The following MAGI1 variants were observed in gnomAD, a reference collection of about 807,000 sequenced individuals.
The protein encoded by MAGI1 is membrane-associated guanylate kinase, WW and PDZ domain-containing protein 1.
A neutral mutation model predicts 139.9 loss-of-function variants in MAGI1; 58 were observed. The ratio of observed to expected loss-of-function variants is 0.41; its 90% confidence interval spans 0.34 to 0.52. The LOEUF (loss-of-function observed/expected upper bound fraction) is 0.52, where lower values mean the gene tolerates loss of function less well. Among genes scored for constraint, MAGI1 ranks in the 20% least tolerant of loss-of-function variants. MAGI1 has a pLI of 0.12. For synonymous variants in MAGI1, 812 were observed against 737.9 expected (o/e 1.10, Z -1.63); for missense variants, 1,874 against 1,901.6 (o/e 0.99, Z 0.27).
At chr3:65,743,874 C>A (rs1194659579) in intron 1 of MAGI1, among the ~76,000 whole-genome samples, 1 of 151,570 alleles carries the variant, frequency 6.6e-6, no homozygotes, top group African/African-American at 2.4e-5. Flanking sequence ...AAAATAAAGT[C>A]TGGGGAAAAT....
intron 1 of MAGI1, among the ~76,000 whole-genome samples, chr3:65,708,612 A>C (rs1406373537): frequency 6.6e-6 from 1 of 152,160 alleles, no homozygotes; most frequent in Non-Finnish European, 1.5e-5. Flanking sequence ...GGAGGAAAGA[A>C]AAAAGGAAGG....
intron 5 of MAGI1, among the ~76,000 whole-genome samples, chr3:65,455,430 G>A (rs539052237): frequency 1.6e-4 from 25 of 152,234 alleles, no homozygotes; most frequent in Admixed American, 5.9e-4. Flanking sequence ...GTTATATAGC[G>A]CTGGGCGGGG....
At chr3:65,401,348 G>A (rs1428004950) in intron 13 of MAGI1, 91 bp downstream of exon 13, 2 of 1,471,134 alleles carry the variant, frequency 1.4e-6, no homozygotes, top group East Asian at 2.5e-5. Flanking sequence ...CACATTTAGT[G>A]AAGTGAAGCC....
chr3:65,776,063 G>C (rs1315675808), intron 1 of MAGI1, among the ~76,000 whole-genome samples: 1 of 151,902 alleles, frequency 6.6e-6, no homozygotes, highest in Non-Finnish European at 1.5e-5. Context: ...CCCAAATCTA[G>C]TCAAATAAAT....
chr3:65,866,238 GAGT>G (rs1397367203), intron 1 of MAGI1, among the ~76,000 whole-genome samples: 1 of 150,622 alleles, frequency 6.6e-6, no homozygotes, highest in African/African-American at 2.4e-5. Context: ...TTAACAGACA[GAGT>G]CTTGTTTTGT....
intron 1 of MAGI1, among the ~76,000 whole-genome samples, chr3:66,027,134 G>A (rs2068317004): frequency 6.6e-6 from 1 of 151,856 alleles, no homozygotes; most frequent in Non-Finnish European, 1.5e-5. Context: ...CAGGCGTGGT[G>A]GCGGGTGCCT....
intron 1 of MAGI1, among the ~76,000 whole-genome samples, chr3:65,834,440 A>G (rs2042693916): frequency 6.6e-6 from 1 of 152,224 alleles, no homozygotes; most frequent in African/African-American, 2.4e-5. Context: ...CTATGGTTGG[A>G]GAATATACTC....
At chr3:65,955,733 TCTGG>T (rs1344096476) in intron 1 of MAGI1, among the ~76,000 whole-genome samples, 2 of 152,198 alleles carry the variant, frequency 1.3e-5, no homozygotes, top group Non-Finnish European at 2.9e-5. Context: ...CTGCTATGGT[TCTGG>T]CTGAAGTATC....
chr3:65,848,007 G>A (rs1243382641), intron 1 of MAGI1, among the ~76,000 whole-genome samples: 2 of 152,128 alleles, frequency 1.3e-5, no homozygotes, highest in African/African-American at 4.8e-5. Context: ...TCAACATTTT[G>A]GTTGATCTTG....
chr3:65,756,945 A>G (rs2036609803), intron 1 of MAGI1, among the ~76,000 whole-genome samples: 1 of 152,222 alleles, frequency 6.6e-6, no homozygotes, highest in African/African-American at 2.4e-5. Flanking sequence ...GCCAAATTTG[A>G]AAGTATTTTA....
At chr3:65,405,927 C>T (rs554102962) in intron 12 of MAGI1, among the ~76,000 whole-genome samples, 1 of 151,768 alleles carries the variant, frequency 6.6e-6, no homozygotes, top group Non-Finnish European at 1.5e-5. Context: ...GGGGTTTCAC[C>T]ATGTTGGTAA....
chr3:65,932,984 A>C (rs796717824), intron 1 of MAGI1, among the ~76,000 whole-genome samples: 1 of 152,388 alleles, frequency 6.6e-6, no homozygotes, highest in African/African-American at 2.4e-5. Context: ...GATATGAAAG[A>C]GAATACCATC....
At chr3:65,704,290 T>G (rs375026694) in intron 1 of MAGI1, among the ~76,000 whole-genome samples, 7 of 152,308 alleles carry the variant, frequency 4.6e-5, no homozygotes, top group East Asian at 3.9e-4. Flanking sequence ...GCAGTTTGTT[T>G]CCAAGCTTCA....
chr3:65,761,255 A>G (rs2037001473), intron 1 of MAGI1, among the ~76,000 whole-genome samples: 2 of 152,128 alleles, frequency 1.3e-5, no homozygotes, highest in South Asian at 4.1e-4. Flanking sequence ...TAACATCCAT[A>G]CACATTTGCC....
chr3:65,983,871 C>T (rs992274389), intron 1 of MAGI1, among the ~76,000 whole-genome samples: 2 of 152,124 alleles, frequency 1.3e-5, no homozygotes, highest in South Asian at 2.1e-4. Flanking sequence ...TATAATAGTA[C>T]AGTTTATAAG....
intron 2 of MAGI1, among the ~76,000 whole-genome samples, chr3:65,551,888 GA>G (rs1220456386): frequency 6.6e-6 from 1 of 152,178 alleles, no homozygotes; most frequent in Admixed American, 6.5e-5. Context: ...AATTTGACAT[GA>G]GAGGTTCACC....
chr3:65,536,208 T>A (rs549586783), intron 2 of MAGI1, among the ~76,000 whole-genome samples: 1 of 152,344 alleles, frequency 6.6e-6, no homozygotes, highest in African/African-American at 2.4e-5. Context: ...GTTTTTCTAA[T>A]CTTATCACCC....
intron 1 of MAGI1, among the ~76,000 whole-genome samples, chr3:65,911,578 G>A (rs143900822): frequency 1.3e-5 from 2 of 152,234 alleles, no homozygotes; most frequent in African/African-American, 4.8e-5. Flanking sequence ...TAACTTGCAT[G>A]CTTATTAAAG....
intron 1 of MAGI1, among the ~76,000 whole-genome samples, chr3:65,828,912 G>A (rs2042372599): frequency 6.6e-6 from 1 of 152,222 alleles, no homozygotes; most frequent in African/African-American, 2.4e-5. Flanking sequence ...AGGGCCATGA[G>A]TCATGGAATG....
Sources: allele counts gnomAD v4.1 joint callset (sites outside exome capture counted in the v4.1 genomes callset), GRCh38; gene constraint gnomAD v4.1.1; transcripts MANE v1.5; gene names NCBI Gene and HGNC (gene_info 2026-07-23, HGNC 2026-07-21).